Variants in NRXN3 observed in about 807,000 individuals in gnomAD.
The protein encoded by NRXN3 is neurexin 3.
In NRXN3, 32 loss-of-function variants were observed where a neutral mutation model predicts 137.6. The observed-to-expected ratio is 0.23, with a 90% CI of 0.18 to 0.31. The LOEUF is 0.31. Among genes scored for constraint, NRXN3 ranks in the 10% least tolerant of loss-of-function variants. The pLI is 1.00. For missense variants in NRXN3, 1,574 were observed against 2,062.5 expected (o/e 0.76, Z 4.59); for synonymous variants, 798 against 784.5 (o/e 1.02, Z -0.29).
At position 78,753,487 on chromosome 14, in the gene NRXN3, T is replaced by G. The variant is rs143130555; in HGVS notation, c.2044+38348T>G. 8.3e-3 allele frequency among the ~76,000 whole-genome samples: 1,259 copies of G among 152,298 alleles called. 64 individuals are homozygous for G. Among genetic ancestry groups the G allele is most frequent in the Admixed American group, 0.071 (1,088 of 15,290 alleles). On this transcript the variant is annotated intron_variant, in intron 8 of 20. Coordinates refer to ENST00000335750, the MANE Select transcript of NRXN3 (RefSeq NM_001330195.2). ...TACCTGAAAGAGCTTTTAAGAAAAT[T>G]AAATCTATTTTCTCCTGCCCCTGTG...
At chr14:78,690,484 A>G (rs1409951601) in intron 6 of NRXN3, among the ~76,000 whole-genome samples, 3 of 152,330 alleles carry the variant, frequency 2.0e-5, no homozygotes, top group African/African-American at 7.2e-5. Context: ...ATATGTTTAC[A>G]TGTGTAACAC....
At chr14:79,063,360 T>G (rs1264647090) in intron 15 of NRXN3, among the ~76,000 whole-genome samples, 2 of 152,204 alleles carry the variant, frequency 1.3e-5, no homozygotes, top group Admixed American at 1.3e-4. Context: ...CTTGGCTCAC[T>G]GCAACCTCTG....
chr14:78,883,895 A>G (rs1195578458), intron 10 of NRXN3, among the ~76,000 whole-genome samples: 2 of 152,204 alleles, frequency 1.3e-5, no homozygotes, highest in African/African-American at 4.8e-5. Flanking sequence ...CATGGTAAGT[A>G]TATAGTACCC....
chr14:79,660,514 C>T (rs2098528298), intron 16 of NRXN3, among the ~76,000 whole-genome samples: 1 of 152,092 alleles, frequency 6.6e-6, no homozygotes, highest in African/African-American at 2.4e-5. Context: ...AAGATAAGGA[C>T]CAAATATTTA....
intron 4 of NRXN3, among the ~76,000 whole-genome samples, chr14:78,370,785 A>G (rs536920285): frequency 2.6e-5 from 4 of 152,324 alleles, no homozygotes; most frequent in African/African-American, 9.6e-5. Flanking sequence ...TTAAGTATGG[A>G]TGTCTAAGAT....
intron 8 of NRXN3, among the ~76,000 whole-genome samples, chr14:78,739,167 A>C (rs1019111131): frequency 6.6e-6 from 1 of 152,176 alleles, no homozygotes; most frequent in Non-Finnish European, 1.5e-5. Flanking sequence ...TTTTTCCTCT[A>C]CCATGACCAA....
At position 79,630,103 on chromosome 14, in the gene NRXN3, A is replaced by C. The variant is rs565841029; in HGVS notation, c.3445-33675A>C. ...GCAAGTAAGCCACTTCCTGGGTAGA[A>C]ATGGGGCTCTTCGGAAAAAGATTAA... On this transcript the variant is annotated intron_variant, in intron 16 of 20. Coordinates refer to ENST00000335750, the MANE Select transcript of NRXN3 (RefSeq NM_001330195.2). 2.4e-3 allele frequency among the ~76,000 whole-genome samples: 360 copies of C among 152,278 alleles called. 2 individuals are homozygous for C. Among genetic ancestry groups the C allele is most frequent in the Middle Eastern group, 0.014 (4 of 294 alleles).
At chr14:78,398,273 G>A (rs1409542628) in intron 4 of NRXN3, among the ~76,000 whole-genome samples, 2 of 150,968 alleles carry the variant, frequency 1.3e-5, no homozygotes, top group African/African-American at 4.9e-5. Flanking sequence ...TTTACTATTG[G>A]CATCTATTGA....
chr14:78,798,222 T>G (rs1302841594), intron 8 of NRXN3, among the ~76,000 whole-genome samples: 1 of 152,164 alleles, frequency 6.6e-6, no homozygotes, highest in African/African-American at 2.4e-5. Context: ...GTTAGTTACT[T>G]CCTAAATATA....
In NRXN3 at chr14:78,576,279, A is replaced by G. The variant is rs141018401; in HGVS notation, c.758-68841A>G. The stretch of plus-strand genomic sequence containing the variant: ...TCTGTGGCATTGGCTTCTGATCAGT[A>G]TCAGTCTTGATTTATCCATCTCAGT... On this transcript the variant is annotated intron_variant, in intron 4 of 20. Transcript: ENST00000335750. Among the ~76,000 whole-genome samples the G allele has an allele frequency of 2.0e-5, 3 of 152,272 alleles. No individual in the cohort carries two copies. The East Asian group carries it at 5.8e-4, about 29-fold the overall frequency.
chr14:78,985,973 G>A (rs960844647), intron 14 of NRXN3, among the ~76,000 whole-genome samples: 6 of 152,174 alleles, frequency 3.9e-5, no homozygotes, highest in African/African-American at 1.2e-4. Flanking sequence ...GTTAGTAATT[G>A]TTTTGAACTT....
chr14:79,282,400 T>C (rs1404392513), intron 15 of NRXN3, among the ~76,000 whole-genome samples: 1 of 152,152 alleles, frequency 6.6e-6, no homozygotes, highest in Non-Finnish European at 1.5e-5. Context: ...GGTCTTGATA[T>C]CTTTTGTTCG....
intron 19 of NRXN3, among the ~76,000 whole-genome samples, chr14:79,785,692 A>T (rs1432418005): frequency 6.6e-6 from 1 of 152,114 alleles, no homozygotes; most frequent in African/African-American, 2.4e-5. Flanking sequence ...GGGCCACTTC[A>T]TATGGCTTTT....
intron 19 of NRXN3, among the ~76,000 whole-genome samples, chr14:79,791,527 T>A (rs925170167): frequency 8.4e-6 from 1 of 119,478 alleles, no homozygotes; most frequent in Admixed American, 8.0e-5. Context: ...AATTATATAT[T>A]ATAATAATTA....
intron 16 of NRXN3, among the ~76,000 whole-genome samples, chr14:79,544,202 A>G (rs1394150198): frequency 6.6e-6 from 1 of 152,258 alleles, no homozygotes; most frequent in Non-Finnish European, 1.5e-5. Context: ...CTAAGTAGTA[A>G]TGGTGCCTCA....
At chr14:79,178,218 C>G (rs538131995) in intron 15 of NRXN3, among the ~76,000 whole-genome samples, 1 of 152,314 alleles carries the variant, frequency 6.6e-6, no homozygotes, top group African/African-American at 2.4e-5. Flanking sequence ...CTGATGCACA[C>G]TTTGAGAAAC....
intron 20 of NRXN3, among the ~76,000 whole-genome samples, chr14:79,857,831 G>T (rs2091927): frequency 1.3e-5 from 2 of 152,038 alleles, no homozygotes. Flanking sequence ...CAGGAAAGAG[G>T]GGTTAGGAAA....
At chr14:78,298,021 G>A (rs1034280047) in intron 4 of NRXN3, among the ~76,000 whole-genome samples, 161 bp downstream of exon 4, 5 of 152,162 alleles carry the variant, frequency 3.3e-5, no homozygotes, top group African/African-American at 7.2e-5. Context: ...GGGGGTGGGG[G>A]CACCTTCCTT....
At chr14:79,112,263 C>G (rs904793398) in intron 15 of NRXN3, among the ~76,000 whole-genome samples, 1 of 152,198 alleles carries the variant, frequency 6.6e-6, no homozygotes, top group African/African-American at 2.4e-5. Flanking sequence ...TTCTTCCCAG[C>G]CCCCTCCTTT....
Sources: allele counts gnomAD v4.1 joint callset (sites outside exome capture counted in the v4.1 genomes callset), GRCh38; gene constraint gnomAD v4.1.1; transcripts MANE v1.5; gene names NCBI Gene and HGNC (gene_info 2026-07-23, HGNC 2026-07-21).